DMD: variants seen among roughly 807,000 people sequenced by gnomAD.
DMD encodes mutant dystrophin.
Under a neutral mutation model 330.1 loss-of-function variants are expected in DMD, and 63 were observed. The observed-to-expected ratio is 0.19, with a 90% CI of 0.16 to 0.24. DMD has a LOEUF of 0.24. Ranked by LOEUF, DMD falls within the 10% of genes least tolerant of loss-of-function variation. DMD has a pLI of 1.00. For synonymous variants in DMD, 1,223 were observed against 959.8 expected (o/e 1.27, Z -5.07); for missense variants, 3,344 against 2,684.1 (o/e 1.25, Z -5.43).
At chrX:32,679,433 GA>G (rs1275242288) in intron 9 of DMD, among the ~76,000 whole-genome samples, 1 of 111,470 alleles carries the variant, frequency 9.0e-6, no homozygotes, top group African/African-American at 3.3e-5. Flanking sequence ...TTACTGAATG[GA>G]AATTGTCACC....
chrX:31,239,416 A>G (rs920424684), intron 63 of DMD, among the ~76,000 whole-genome samples: 1 of 112,123 alleles, frequency 8.9e-6, no homozygotes, highest in African/African-American at 3.2e-5. Context: ...TCATTTTCCA[A>G]ATGAGAGAAC....
intron 7 of DMD, among the ~76,000 whole-genome samples, chrX:32,771,996 AATTC>A (rs1029681560): frequency 1.8e-5 from 2 of 112,220 alleles, no homozygotes; most frequent in African/African-American, 6.5e-5. Context: ...TGCCATAGCC[AATTC>A]AAGGAGTAAT....
At chrX:31,142,475 C>T (rs1157632299) in intron 76 of DMD, among the ~76,000 whole-genome samples, 1 of 112,012 alleles carries the variant, frequency 8.9e-6, no homozygotes, top group Non-Finnish European at 1.9e-5. Context: ...TGTAAAAGTA[C>T]ATAAATAAAT....
At chrX:32,724,138 G>C (rs763312171) in intron 7 of DMD, among the ~76,000 whole-genome samples, 44 of 112,100 alleles carry the variant, frequency 3.9e-4, no homozygotes, top group Non-Finnish European at 6.6e-4. Flanking sequence ...TCTACTTCTT[G>C]AGGAAATCCT....
intron 55 of DMD, among the ~76,000 whole-genome samples, chrX:31,623,319 A>C (rs2078662951): frequency 9.0e-6 from 1 of 111,290 alleles, no homozygotes; most frequent in Non-Finnish European, 1.9e-5. Context: ...GCTGGAGTGC[A>C]GTGGCGCCAT....
At chrX:32,043,616 A>G (rs111492273) in intron 44 of DMD, among the ~76,000 whole-genome samples, 3,894 of 111,969 alleles carry the variant, frequency 0.035, 163 homozygotes, top group African/African-American at 0.12. Context: ...CACTGTCCTA[A>G]GTATATTATA....
intron 7 of DMD, among the ~76,000 whole-genome samples, chrX:32,707,370 G>A (rs2064770503): frequency 9.0e-6 from 1 of 111,731 alleles, no homozygotes; most frequent in African/African-American, 3.3e-5. Flanking sequence ...GATAGTTTTT[G>A]GAAATTAAAT....
At chrX:32,257,414 C>T (rs772438008) in intron 43 of DMD, among the ~76,000 whole-genome samples, 10 of 111,300 alleles carry the variant, frequency 9.0e-5, no homozygotes, top group African/African-American at 3.3e-4. Flanking sequence ...TGACTTCAAA[C>T]TATACTACAA....
intron 19 of DMD, among the ~76,000 whole-genome samples, chrX:32,492,204 G>A (rs773178123): frequency 1.9e-4 from 21 of 111,314 alleles, no homozygotes; most frequent in African/African-American, 6.2e-4. Context: ...CGGGCGTGGT[G>A]GCGGGCGCCT....
chrX:32,750,979 TCTTCCTTGC>T (rs1340005724), intron 7 of DMD, among the ~76,000 whole-genome samples: 1 of 112,059 alleles, frequency 8.9e-6, no homozygotes, highest in African/African-American at 3.2e-5. Context: ...CGTGACTTGC[TCTTCCTTGC>T]CTTCCAGCAT....
At chrX:32,189,953 A>G (rs752112378) in intron 44 of DMD, among the ~76,000 whole-genome samples, 1 of 111,203 alleles carries the variant, frequency 9.0e-6, no homozygotes, top group South Asian at 3.8e-4. Context: ...ATATGTATAC[A>G]TGTGTAATAG....
intron 9 of DMD, among the ~76,000 whole-genome samples, chrX:32,660,811 G>A (rs1003484473): frequency 4.5e-5 from 5 of 111,365 alleles, no homozygotes; most frequent in Non-Finnish European, 9.5e-5. Context: ...CAACTACTTT[G>A]CCATGAGATG....
intron 44 of DMD, among the ~76,000 whole-genome samples, chrX:32,147,446 C>T (rs6628681): frequency 0.3 from 32,912 of 110,663 alleles, 3,807 homozygotes; most frequent in East Asian, 0.62. Context: ...TTCTGGTGAA[C>T]GCTTAAAATA....
intron 2 of DMD, among the ~76,000 whole-genome samples, chrX:32,942,998 T>C (rs1238171108): frequency 9.0e-6 from 1 of 111,356 alleles, no homozygotes; most frequent in African/African-American, 3.3e-5. Context: ...ATAGAACAAA[T>C]ACATGGGGTA....
chrX:32,969,027 C>CCAAAAAAAAAAAAAAAAAAAAAAAA (rs2092280100), intron 2 of DMD, among the ~76,000 whole-genome samples: 3 of 19,813 alleles, frequency 1.5e-4, no homozygotes, highest in African/African-American at 3.1e-4. Flanking sequence ...GATTCTGTCT[C>CCAAAAAAAAAAAAAAAAAAAAAAAA]AAAAAAAAAA....
At chrX:31,990,105 G>C (rs1209891833) in intron 44 of DMD, among the ~76,000 whole-genome samples, 2 of 112,581 alleles carry the variant, frequency 1.8e-5, no homozygotes, top group East Asian at 5.6e-4. Context: ...GTCATTAGAA[G>C]ACATGTACAA....
At chrX:32,652,368 T>A (rs1394015588) in intron 9 of DMD, among the ~76,000 whole-genome samples, 1 of 98,600 alleles carries the variant, frequency 1.0e-5, no homozygotes, top group Non-Finnish European at 2.0e-5. Flanking sequence ...TTCCCACCCA[T>A]GAGTGAGAAC....
chrX:32,696,671 T>A (rs750573954), intron 9 of DMD, among the ~76,000 whole-genome samples: 1 of 111,108 alleles, frequency 9.0e-6, no homozygotes, highest in Non-Finnish European at 1.9e-5. Context: ...GGCAGCTCAA[T>A]AAAGTGATAA....
In DMD at chrX:33,247,319, T is replaced by G. The variant is rs1424227447; in HGVS notation, c.7+91940A>C. Among the ~76,000 whole-genome samples, 11 of 112,077 alleles carry G rather than the reference T, an allele frequency of 9.8e-5. No homozygotes were observed. In the Admixed American group the frequency reaches 1.0e-3, roughly 11 times the overall value. ...TTTCTTATATATTTTGTTTCTTATA[T>G]TCTTAAAATTTAGTAGCAAATACAT... On this transcript the variant is annotated intron_variant, in intron 1 of 17. Coordinates refer to the DMD transcript ENST00000288447.
Sources: allele counts gnomAD v4.1 joint callset (sites outside exome capture counted in the v4.1 genomes callset), GRCh38; gene constraint gnomAD v4.1.1; transcripts MANE v1.5; gene names NCBI Gene and HGNC (gene_info 2026-07-23, HGNC 2026-07-21).